Variants in HNF4G observed in about 807,000 individuals in gnomAD.
The protein encoded by HNF4G is hepatocyte nuclear factor 4 gamma, also known as hepatocyte nuclear factor 4-gamma.
A neutral mutation model predicts 50.9 loss-of-function variants in HNF4G; 21 were observed. The observed-to-expected ratio is 0.41, with a 90% CI of 0.29 to 0.59. The LOEUF (loss-of-function observed/expected upper bound fraction) is 0.59. Among genes scored for constraint, HNF4G ranks in the 20% least tolerant of loss-of-function variants. The pLI is 0.26. For synonymous variants in HNF4G, 198 were observed against 185.6 expected, an observed-to-expected ratio of 1.07 and a Z score of -0.54; for missense variants, 527 against 559.4, an observed-to-expected ratio of 0.94 and a Z score of 0.58.
chr8:75,456,038 G>A (rs931677494), intron 1 of HNF4G, among the ~76,000 whole-genome samples: 7 of 152,064 alleles, frequency 4.6e-5, no homozygotes, highest in Non-Finnish European at 1.0e-4. Context: ...TTGACTAAGC[G>A]GTTATGAGAT....
intron 1 of HNF4G, among the ~76,000 whole-genome samples, chr8:75,449,496 T>C (rs1250900108): frequency 7.1e-6 from 1 of 141,030 alleles, no homozygotes; most frequent in Non-Finnish European, 1.5e-5. Context: ...CAGTAATATA[T>C]ATATATTTTT....
At chr8:75,501,211 G>C (rs34249674) in intron 2 of HNF4G, among the ~76,000 whole-genome samples, 7,616 of 152,172 alleles carry the variant, frequency 0.05, 264 homozygotes, top group Non-Finnish European at 0.072. Context: ...AGGCCAATGT[G>C]GGGGGATCAC....
chr8:75,424,680 G>A (rs565470355), intron 1 of HNF4G, among the ~76,000 whole-genome samples: 1 of 152,078 alleles, frequency 6.6e-6, no homozygotes, highest in Non-Finnish European at 1.5e-5. Flanking sequence ...TAGGATAATG[G>A]CCTCCAGTTG....
intron 1 of HNF4G, among the ~76,000 whole-genome samples, chr8:75,442,451 A>G (rs950186311): frequency 6.6e-6 from 1 of 152,130 alleles, no homozygotes; most frequent in African/African-American, 2.4e-5. Flanking sequence ...GCTCATGCCT[A>G]TAATCTCAGC....
intron 1 of HNF4G, among the ~76,000 whole-genome samples, chr8:75,461,337 G>A (rs188619463): frequency 4.0e-5 from 6 of 151,810 alleles, no homozygotes; most frequent in Admixed American, 6.6e-5. Flanking sequence ...GGCCCCTTCC[G>A]CCATCTTCCT....
intron 5 of HNF4G, among the ~76,000 whole-genome samples, chr8:75,553,967 T>A (rs187139115): frequency 6.6e-6 from 1 of 152,142 alleles, no homozygotes. Context: ...CTAAGTAGGG[T>A]ATAATTTTTT....
intron 2 of HNF4G, among the ~76,000 whole-genome samples, chr8:75,517,564 G>C (rs1202751388): frequency 6.6e-6 from 1 of 152,228 alleles, no homozygotes; most frequent in East Asian, 1.9e-4. Flanking sequence ...CAATGGGGCA[G>C]TCAAATCTTA....
intron 2 of HNF4G, among the ~76,000 whole-genome samples, chr8:75,505,528 A>T (rs959959866): frequency 3.3e-5 from 5 of 152,180 alleles, no homozygotes; most frequent in African/African-American, 9.6e-5. Flanking sequence ...TTTTGAAACA[A>T]TATTCACTCA....
chr8:75,514,788 A>G (rs1805849139), intron 2 of HNF4G, among the ~76,000 whole-genome samples: 2 of 152,114 alleles, frequency 1.3e-5, no homozygotes, highest in East Asian at 1.9e-4. Context: ...GATTGCTTAT[A>G]TGTGTCATTT....
chr8:75,540,008 T>C lies in HNF4G; in HGVS notation c.46T>C (p.Tyr16His). The change falls in exon 1 of 10, where the codon TAC becomes CAC. Residue 16 changes from tyrosine (Y) to histidine (H), a missense_variant. Tyr to His is a moderately conservative substitution (Grantham distance 83). Around this residue, in one of 5 missense-constraint regions of HNF4G, gnomAD observed 84 missense variants for 87.1 expected, o/e 0.96. Transcript: ENST00000396423. ...EPILDMDMAN[Y>H]SEVLDPTYTT... ...AATACTGGACATGGACATGGCAAATTACAGTGAAGTTTTGGACCCAACTTA... is the reference window on the plus strand; with the variant it reads ...AATACTGGACATGGACATGGCAAATCACAGTGAAGTTTTGGACCCAACTTA... The C allele has an allele frequency of 6.2e-7, 1 of 1,607,060 alleles. No homozygotes were observed. Among genetic ancestry groups the C allele is most frequent in the Non-Finnish European group, 8.5e-7 (1 of 1,173,688 alleles).
In HNF4G at chr8:75,481,488, G is replaced by A. The variant is rs141023750; in HGVS notation, c.-143-8601G>A. 2.5e-3 allele frequency among the ~76,000 whole-genome samples: 314 copies of A among 123,520 alleles called. 1 individual carries two copies. Among genetic ancestry groups the A allele is most frequent in the African/African-American group, 0.012 (304 of 24,956 alleles). The allele number at this position is 123,520 out of a possible 152,430, so 81.0% of individuals were successfully genotyped here. A position where few individuals can be genotyped will look rare whatever the true frequency, so the allele number is the denominator to read the frequency against. On this transcript the variant is annotated intron_variant, in intron 1 of 10. Transcript: ENST00000354370. Reference sequence around the variant, plus strand: ...TTCCCTGGAATTTTGAAAACAGTAAGTTAGTATTATTTTTGAGCACTTACC... The same window carrying A: ...TTCCCTGGAATTTTGAAAACAGTAAATTAGTATTATTTTTGAGCACTTACC...
intron 1 of HNF4G, among the ~76,000 whole-genome samples, chr8:75,480,218 T>G (rs1812344338): frequency 6.6e-6 from 1 of 152,160 alleles, no homozygotes; most frequent in South Asian, 2.1e-4. Context: ...ACATAATATC[T>G]AAGGTAAAAT....
chr8:75,487,344 T>A (rs961138154), intron 1 of HNF4G, among the ~76,000 whole-genome samples: 4 of 152,178 alleles, frequency 2.6e-5, no homozygotes, highest in African/African-American at 9.6e-5. Context: ...TAGACACATA[T>A]TTGATCTTTT....
intron 3 of HNF4G, 148 bp downstream of exon 3, chr8:75,547,829 A>G (rs528964372): frequency 1.6e-6 from 1 of 608,824 alleles, no homozygotes; most frequent in South Asian, 2.0e-5. Context: ...AAGTTAAAGA[A>G]TTTAGCCCAA....
At position 75,494,800 on chromosome 8, in the gene HNF4G, CAATTAT is replaced by C. The variant is rs1382724268; in HGVS notation, c.-24+4600_-24+4605del. On this transcript the variant is annotated intron_variant, in intron 2 of 10. Coordinates refer to the HNF4G transcript ENST00000354370. The stretch of plus-strand genomic sequence containing the variant: ...ATGCACTAAAATTATACATTTTATA[CAATTAT>C]AATTATACAATTATAGAAAAATATA... 7.3e-5 allele frequency among the ~76,000 whole-genome samples: 11 copies of C among 151,710 alleles called. No individual in the cohort carries two copies. In the East Asian group the frequency reaches 1.9e-3, roughly 27 times the overall value.
chr8:75,526,303 G>A (rs962121835), intron 2 of HNF4G, among the ~76,000 whole-genome samples: 1 of 151,672 alleles, frequency 6.6e-6, no homozygotes, highest in Non-Finnish European at 1.5e-5. Flanking sequence ...TAAGTTCTGG[G>A]TTTATAGACC....
At chr8:75,551,521 C>A in intron 4 of HNF4G, 27 bp downstream of exon 4, 1 of 1,306,302 alleles carries the variant, frequency 7.7e-7, no homozygotes. Context: ...AGCATCAAAC[C>A]CTATTTAATA....
chr8:75,489,084 C>A (rs941955754), intron 1 of HNF4G, among the ~76,000 whole-genome samples: 15 of 152,176 alleles, frequency 9.9e-5, no homozygotes, highest in South Asian at 6.2e-4. Context: ...GAAAAATAAC[C>A]CAGAAGCCAC....
intron 3 of HNF4G, 82 bp from the exon 4 acceptor site, chr8:75,551,306 T>TAAA: frequency 3.1e-6 from 2 of 652,024 alleles, no homozygotes; most frequent in Non-Finnish European, 2.6e-6. Flanking sequence ...TTTTTTTACT[T>TAAA]AAAAAAAAAA....
Sources: gnomAD v4.1 joint callset for allele counts (sites outside exome capture counted in the v4.1 genomes callset) on GRCh38, gnomAD v4.1.1 for gene constraint, gnomAD v4.1.1 regional missense constraint, MANE v1.5 for transcripts, NCBI Gene and HGNC (gene_info 2026-07-23, HGNC 2026-07-21) for gene names.